Variants in RAB38 observed in about 807,000 individuals in gnomAD.
The protein encoded by RAB38 is RAB38, member RAS oncogene family.
In RAB38, 15 loss-of-function variants were observed where a neutral mutation model predicts 18.4. The ratio of observed to expected loss-of-function variants is 0.82; its 90% CI spans 0.55 to 1.26. RAB38 has a LOEUF of 1.26. Ranked by LOEUF, RAB38 falls within the 50% of genes most tolerant of loss-of-function variation. The pLI, the probability that RAB38 is intolerant of heterozygous loss-of-function variation, is 0.00. For synonymous variants in RAB38, 101 were observed against 104.4 expected (o/e 0.97, Z 0.20); for missense variants, 294 against 267.4 (o/e 1.10, Z -0.69).
chr11:87,854,269 A>T, the RAB38 span, among the ~76,000 whole-genome samples: 1 of 152,220 alleles, frequency 6.6e-6, no homozygotes, highest in Non-Finnish European at 1.5e-5. Flanking sequence ...GATATCAGAT[A>T]AATTAGCTAA....
At chr11:87,893,390 A>ATATATATATATATTTTTTTTT in the RAB38 span, among the ~76,000 whole-genome samples, 18 of 93,890 alleles carry the variant, frequency 1.9e-4, no homozygotes, top group South Asian at 5.7e-3. Context: ...ATATATATAT[A>ATATATATATATATTTTTTTTT]TTTTTTTTTT....
chr11:88,171,505 ATATTT>A (rs1565223222), intron 1 of RAB38, among the ~76,000 whole-genome samples: 1 of 152,274 alleles, frequency 6.6e-6, no homozygotes, highest in Non-Finnish European at 1.5e-5. Flanking sequence ...AATTTAGAAT[ATATTT>A]AAACTATGTC....
Position 88,116,005 on chromosome 11 carries a change from T to C in RAB38, c.484-1865A>G, listed in dbSNP as rs543347556. On this transcript the variant is annotated intron_variant, in intron 2 of 2. Transcript: ENST00000243662. The stretch of plus-strand genomic sequence containing the variant: ...CCAGTCCTGAGAGAACAGCAATGCT[T>C]CTGCCCCATCCCCTGTTGGGCAACT... Among the ~76,000 whole-genome samples the C allele has an allele frequency of 9.5e-4, 144 of 152,336 alleles. 2 individuals are homozygous for C. Among genetic ancestry groups the C allele is most frequent in the African/African-American group, 3.4e-3 (143 of 41,578 alleles).
At chr11:88,044,651 G>A in the RAB38 span, among the ~76,000 whole-genome samples, 6 of 152,070 alleles carry the variant, frequency 3.9e-5, no homozygotes, top group Non-Finnish European at 5.9e-5. Flanking sequence ...GGTGCCTGAC[G>A]TCCAGGCATT....
At chr11:87,841,319 T>G in the RAB38 span, among the ~76,000 whole-genome samples, 1 of 152,062 alleles carries the variant, frequency 6.6e-6, no homozygotes, top group Admixed American at 6.6e-5. Context: ...ATCTGATGGT[T>G]TCATGAGAGA....
the RAB38 span, among the ~76,000 whole-genome samples, chr11:88,030,935 T>A: frequency 5.9e-5 from 9 of 151,360 alleles, no homozygotes; most frequent in South Asian, 1.1e-3. Flanking sequence ...AAAAAGAGAA[T>A]TTTAGACCAA....
At chr11:88,003,858 A>AT in the RAB38 span, among the ~76,000 whole-genome samples, 459 of 3,288 alleles carry the variant, frequency 0.14, 124 homozygotes, top group East Asian at 0.58. Flanking sequence ...ATATAATTAT[A>AT]TAAATATAAT....
chr11:88,028,476 T>C, the RAB38 span, among the ~76,000 whole-genome samples: 77 of 152,174 alleles, frequency 5.1e-4, no homozygotes, highest in Non-Finnish European at 1.0e-3. Context: ...AGTTGAAAAC[T>C]TTGAAAAAAA....
the RAB38 span, among the ~76,000 whole-genome samples, chr11:87,948,589 A>G: frequency 6.6e-6 from 1 of 152,018 alleles, no homozygotes; most frequent in African/African-American, 2.4e-5. Context: ...TAATTTATTG[A>G]GAGTTTTTAG....
At chr11:87,862,542 A>C in the RAB38 span, among the ~76,000 whole-genome samples, 2 of 151,758 alleles carry the variant, frequency 1.3e-5, no homozygotes, top group Non-Finnish European at 2.9e-5. Flanking sequence ...GAGGATCAGG[A>C]AAAACAACTA....
chr11:88,106,464 A>G, the RAB38 span, among the ~76,000 whole-genome samples: 1 of 152,190 alleles, frequency 6.6e-6, no homozygotes, highest in Non-Finnish European at 1.5e-5. Context: ...ACACTTTCAT[A>G]AAGTTTCTTT....
chr11:87,821,799 C>T, the RAB38 span, among the ~76,000 whole-genome samples: 1,942 of 150,280 alleles, frequency 0.013, 82 homozygotes, highest in Admixed American at 0.072. Flanking sequence ...TGCAGTGAGC[C>T]GAGATCCCGC....
the RAB38 span, among the ~76,000 whole-genome samples, chr11:87,862,813 A>C: frequency 6.6e-6 from 1 of 151,902 alleles, no homozygotes; most frequent in Non-Finnish European, 1.5e-5. Flanking sequence ...GGCCGGTATT[A>C]TCACTTACAA....
At chr11:88,047,804 GT>G in the RAB38 span, among the ~76,000 whole-genome samples, 6 of 152,156 alleles carry the variant, frequency 3.9e-5, no homozygotes, top group East Asian at 7.7e-4. Flanking sequence ...CTCACTTTCA[GT>G]TTTTTTCCTT....
chr11:88,013,904 T>G, the RAB38 span, among the ~76,000 whole-genome samples: 1 of 152,126 alleles, frequency 6.6e-6, no homozygotes, highest in Non-Finnish European at 1.5e-5. Context: ...CTTTACATAT[T>G]GCTACATAGT....
the RAB38 span, among the ~76,000 whole-genome samples, chr11:88,031,491 G>A: frequency 4.6e-5 from 7 of 152,058 alleles, no homozygotes; most frequent in East Asian, 1.2e-3. Context: ...CATTGTCTCA[G>A]CCCAAAATCT....
chr11:87,896,813 C>T, the RAB38 span, among the ~76,000 whole-genome samples: 1 of 151,536 alleles, frequency 6.6e-6, no homozygotes, highest in African/African-American at 2.4e-5. Context: ...TATTACAGGG[C>T]CTCATATGTG....
chr11:87,927,335 T>C, the RAB38 span, among the ~76,000 whole-genome samples: 1 of 152,096 alleles, frequency 6.6e-6, no homozygotes, highest in African/African-American at 2.4e-5. Flanking sequence ...AGAATCATTT[T>C]TGTTTTAAGG....
chr11:88,112,957 G>T (rs1325731751), downstream of RAB38, among the ~76,000 whole-genome samples: 1 of 151,962 alleles, frequency 6.6e-6, no homozygotes, highest in African/African-American at 2.4e-5. Flanking sequence ...TTTTTATGTT[G>T]ATTGATCTGG....
Sources: allele counts gnomAD v4.1 joint callset (sites outside exome capture counted in the v4.1 genomes callset), GRCh38; gene constraint gnomAD v4.1.1; transcripts MANE v1.5; gene names NCBI Gene and HGNC (gene_info 2026-07-23, HGNC 2026-07-21).